Variants in SUPT3H observed in about 807,000 individuals in gnomAD.
SUPT3H encodes SPT3 homolog, SAGA and STAGA complex component.
In SUPT3H, 44 loss-of-function variants were observed where a neutral mutation model predicts 44.3. The observed-to-expected ratio is 0.99, with a 90% CI of 0.78 to 1.28. SUPT3H has a LOEUF of 1.28. Ranked by LOEUF, SUPT3H falls within the 50% of genes most tolerant of loss-of-function variation. SUPT3H has a pLI of 0.00. For synonymous variants in SUPT3H, 124 were observed against 125.6 expected (o/e 0.99, Z 0.09); for missense variants, 380 against 387.1 (o/e 0.98, Z 0.15).
chr6:45,257,335 ACCCTGGCT>A (rs1773570819), intron 2 of SUPT3H, among the ~76,000 whole-genome samples: 1 of 152,114 alleles, frequency 6.6e-6, no homozygotes, highest in African/African-American at 2.4e-5. Context: ...TCACCCAGGC[ACCCTGGCT>A]CCATGCCCAG....
chr6:45,025,348 C>T (rs1785804822), intron 3 of SUPT3H, among the ~76,000 whole-genome samples: 2 of 152,190 alleles, frequency 1.3e-5, no homozygotes, highest in South Asian at 4.1e-4. Flanking sequence ...TGTAACACTC[C>T]TGCCTCCCAA....
chr6:45,253,210 A>C (rs1457156261), intron 2 of SUPT3H, among the ~76,000 whole-genome samples: 1 of 152,208 alleles, frequency 6.6e-6, no homozygotes, highest in Non-Finnish European at 1.5e-5. Flanking sequence ...TCAATATACA[A>C]AGATTTCTTA....
At chr6:45,061,575 T>C (rs1217219080) in intron 3 of SUPT3H, among the ~76,000 whole-genome samples, 2 of 152,110 alleles carry the variant, frequency 1.3e-5, no homozygotes, top group Admixed American at 6.5e-5. Flanking sequence ...CTGCACGTCC[T>C]GCACATGTAC....
rs180831206 is a variant in SUPT3H at position 45,169,584 on chromosome 6, C to T, written c.102-63578G>A. Among the ~76,000 whole-genome samples, 293 of 152,244 alleles carry T rather than the reference C, an allele frequency of 1.9e-3. 1 individual carries two copies. Among genetic ancestry groups the T allele is most frequent in the African/African-American group, 6.4e-3 (265 of 41,556 alleles). ...ATGTTCAGGTCCTATTGTAAACTTG[C>T]TTCCAATTTAATATCAGAGTTTAGA... On this transcript the variant is annotated intron_variant, in intron 2 of 10. Coordinates refer to ENST00000371459, the MANE Select transcript of SUPT3H (RefSeq NM_003599.4).
chr6:45,312,683 G>T (rs971244706), intron 2 of SUPT3H, among the ~76,000 whole-genome samples: 13 of 10,202 alleles, frequency 1.3e-3, no homozygotes, highest in Non-Finnish European at 8.5e-4. Context: ...ACAATAATGT[G>T]GGGGGGGGGG....
At chr6:45,030,120 T>A (rs906716186) in intron 3 of SUPT3H, among the ~76,000 whole-genome samples, 3 of 151,684 alleles carry the variant, frequency 2.0e-5, no homozygotes, top group African/African-American at 7.3e-5. Context: ...ACAATTTGAC[T>A]ATTTACTGAA....
intron 10 of SUPT3H, among the ~76,000 whole-genome samples, chr6:44,857,901 C>A (rs1254448723): frequency 3.3e-5 from 5 of 152,178 alleles, no homozygotes; most frequent in African/African-American, 1.2e-4. Flanking sequence ...GAAGTAAAGA[C>A]TTGTTCTCAG....
intron 2 of SUPT3H, among the ~76,000 whole-genome samples, chr6:45,186,458 A>G (rs1310423830): frequency 1.3e-5 from 2 of 152,218 alleles, no homozygotes; most frequent in African/African-American, 2.4e-5. Context: ...TAAAAAAATA[A>G]CCAAATAGAA....
At position 44,817,625 on chromosome 6, in the gene SUPT3H, T is replaced by C. The variant is rs189960739; in HGVS notation, c.*53-8124A>G. On this transcript the variant is annotated intron_variant and NMD_transcript_variant, in intron 11 of 11. Transcript: ENST00000475057. ...TCAGCAATCTATTAGAGCTAGTAAG[T>C]TCAGCAAGGTTTTAGCATAAAAAGT... Among the ~76,000 whole-genome samples the C allele has an allele frequency of 2.0e-5, 3 of 152,260 alleles. No individual in the cohort carries two copies. In the East Asian group the frequency reaches 5.8e-4, roughly 29 times the overall value.
intron 2 of SUPT3H, among the ~76,000 whole-genome samples, chr6:45,341,276 A>G (rs1211100315): frequency 6.6e-6 from 1 of 152,198 alleles, no homozygotes; most frequent in Non-Finnish European, 1.5e-5. Flanking sequence ...TTGAGAAAAA[A>G]TGCTGATTAG....
chr6:44,837,068 C>CT (rs1000670760), intron 10 of SUPT3H, among the ~76,000 whole-genome samples: 4 of 152,026 alleles, frequency 2.6e-5, no homozygotes, highest in South Asian at 2.1e-4. Flanking sequence ...ATCAAATACT[C>CT]TTTTTTTTAC....
chr6:44,937,900 C>CTTTTTTTTT (rs746279156), intron 9 of SUPT3H, among the ~76,000 whole-genome samples: 1 of 59,060 alleles, frequency 1.7e-5, no homozygotes, highest in African/African-American at 7.5e-5. Context: ...TGCTCACTAT[C>CTTTTTTTTT]TTTTTTTTTT....
At chr6:45,236,872 G>T (rs1272110020) in intron 2 of SUPT3H, among the ~76,000 whole-genome samples, 1 of 152,180 alleles carries the variant, frequency 6.6e-6, no homozygotes, top group African/African-American at 2.4e-5. Context: ...GTTAAAGAAT[G>T]TTGCTGTCTC....
chr6:44,976,360 A>AT (rs2153486558), intron 6 of SUPT3H, among the ~76,000 whole-genome samples: 1 of 149,638 alleles, frequency 6.7e-6, no homozygotes, highest in African/African-American at 2.4e-5. Context: ...TGGAAAATTA[A>AT]TGTCTTTTTT....
chr6:45,137,550 A>C, intron 2 of SUPT3H, among the ~76,000 whole-genome samples: 1 of 152,136 alleles, frequency 6.6e-6, no homozygotes, highest in South Asian at 2.1e-4. Flanking sequence ...AATATATATT[A>C]GAATAATATT....
chr6:45,149,269 A>C (rs1345276543), intron 2 of SUPT3H, among the ~76,000 whole-genome samples: 1 of 152,158 alleles, frequency 6.6e-6, no homozygotes, highest in East Asian at 1.9e-4. Context: ...ATTATTTCTC[A>C]TAAATGCCAA....
At chr6:45,128,561 C>T (rs372623612) in intron 2 of SUPT3H, among the ~76,000 whole-genome samples, 18,709 of 56,860 alleles carry the variant, frequency 0.33, 2,336 homozygotes, top group East Asian at 0.54. Flanking sequence ...TATATATACA[C>T]ACACACACAC....
At chr6:44,823,349 T>C (rs1767494086), downstream of SUPT3H, among the ~76,000 whole-genome samples, 2 of 151,976 alleles carry the variant, frequency 1.3e-5, no homozygotes. Context: ...CAGGAAACTT[T>C]ATGGGAAAGA....
chr6:45,172,743 C>G (rs1811034089), intron 2 of SUPT3H, among the ~76,000 whole-genome samples: 1 of 151,678 alleles, frequency 6.6e-6, no homozygotes, highest in South Asian at 2.1e-4. Context: ...AGGTGCGCAC[C>G]ACCGTGCCCA....
Sources: gnomAD v4.1 joint callset for allele counts (sites outside exome capture counted in the v4.1 genomes callset) on GRCh38, gnomAD v4.1.1 for gene constraint, MANE v1.5 for transcripts, NCBI Gene and HGNC (gene_info 2026-07-23, HGNC 2026-07-21) for gene names.